Variants in NPAS3 observed in about 807,000 individuals in gnomAD.
NPAS3 encodes neuronal PAS domain protein 3, also known as neuronal PAS domain-containing protein 3.
Under a neutral mutation model 73.1 loss-of-function variants are expected in NPAS3, and 14 were observed. The observed-to-expected ratio is 0.19, with a 90% confidence interval of 0.13 to 0.30. The LOEUF is 0.30. NPAS3 is among the 10% of genes least tolerant of loss of function. The pLI, the probability that NPAS3 is intolerant of heterozygous loss-of-function variation, is 1.00. For synonymous variants in NPAS3, 620 were observed against 541.5 expected (o/e 1.14, Z -2.01); for missense variants, 1,096 against 1,250.0 (o/e 0.88, Z 1.86).
intron 4 of NPAS3, among the ~76,000 whole-genome samples, chr14:33,377,572 AT>A (rs2046363740): frequency 6.6e-6 from 1 of 152,264 alleles, no homozygotes; most frequent in Non-Finnish European, 1.5e-5. Context: ...AAGGATGTTC[AT>A]AATGATGTCT....
intron 5 of NPAS3, among the ~76,000 whole-genome samples, chr14:33,628,773 G>A (rs1010386331): frequency 3.9e-5 from 6 of 152,148 alleles, no homozygotes; most frequent in Non-Finnish European, 7.4e-5. Flanking sequence ...CCTTCCTTAA[G>A]CCTGGGCTCC....
chr14:33,489,251 GAA>G (rs1390026197), intron 4 of NPAS3, among the ~76,000 whole-genome samples: 1 of 152,132 alleles, frequency 6.6e-6, no homozygotes, highest in Non-Finnish European at 1.5e-5. Context: ...GACTCCGAAG[GAA>G]AGTCAATATA....
intron 4 of NPAS3, among the ~76,000 whole-genome samples, chr14:33,441,959 G>C (rs987284227): frequency 1.3e-5 from 2 of 152,100 alleles, no homozygotes; most frequent in African/African-American, 4.8e-5. Flanking sequence ...TGGGAATCAC[G>C]AAAGCTACAA....
chr14:33,261,137 A>G (rs1490004099), intron 3 of NPAS3, among the ~76,000 whole-genome samples: 1 of 152,122 alleles, frequency 6.6e-6, no homozygotes, highest in Non-Finnish European at 1.5e-5. Context: ...ACCCATGTCA[A>G]ATACCACCTC....
At chr14:33,517,069 A>C (rs774273926) in intron 4 of NPAS3, among the ~76,000 whole-genome samples, 3 of 152,234 alleles carry the variant, frequency 2.0e-5, no homozygotes, top group Non-Finnish European at 4.4e-5. Context: ...GATGGAGGAA[A>C]TGCTGTGGCT....
At chr14:33,089,138 A>T (rs1454935662) in intron 2 of NPAS3, among the ~76,000 whole-genome samples, 1 of 152,214 alleles carries the variant, frequency 6.6e-6, no homozygotes, top group African/African-American at 2.4e-5. Flanking sequence ...AATGGAACAA[A>T]CCTGGACGGA....
intron 4 of NPAS3, among the ~76,000 whole-genome samples, chr14:33,471,263 G>C (rs564354970): frequency 3.2e-4 from 48 of 152,320 alleles, no homozygotes; most frequent in African/African-American, 1.1e-3. Context: ...AGTCACGCTA[G>C]CTGGAGAAGC....
At chr14:33,441,438 G>A (rs1456677173) in intron 4 of NPAS3, among the ~76,000 whole-genome samples, 1 of 152,166 alleles carries the variant, frequency 6.6e-6, no homozygotes, top group Admixed American at 6.5e-5. Context: ...AGATTATCCA[G>A]TTAACATTAC....
chr14:33,657,629 G>T (rs72682354), intron 5 of NPAS3, among the ~76,000 whole-genome samples: 1 of 152,082 alleles, frequency 6.6e-6, no homozygotes, highest in African/African-American at 2.4e-5. Context: ...AAGAGGAAGC[G>T]GGAGTCAGGC....
At position 33,728,047 on chromosome 14, in the gene NPAS3, T is replaced by C. The variant is rs534455944; in HGVS notation, c.734-7167T>C. On this transcript the variant is annotated intron_variant, in intron 6 of 11. Coordinates refer to ENST00000356141, the Ensembl canonical transcript of NPAS3. ...AGTTGTGTATAGAAACACCCACTGG[T>C]AGCAGCTTGACTCTGACACTGTGTA... is the stretch of plus-strand genomic sequence containing the variant. 6.1e-4 allele frequency among the ~76,000 whole-genome samples: 93 copies of C among 152,284 alleles called. No individual in the cohort carries two copies. In the Middle Eastern group the frequency reaches 0.01, roughly 17 times the overall value.
At chr14:32,960,988 T>C (rs1479769898) in intron 1 of NPAS3, among the ~76,000 whole-genome samples, 4 of 152,250 alleles carry the variant, frequency 2.6e-5, no homozygotes, top group African/African-American at 9.6e-5. Flanking sequence ...GATAATTTCA[T>C]GGCAGCTCTT....
At chr14:33,776,418 CATT>C (rs1285375237) in intron 8 of NPAS3, among the ~76,000 whole-genome samples, 1 of 148,726 alleles carries the variant, frequency 6.7e-6, no homozygotes, top group Non-Finnish European at 1.5e-5. Context: ...GTGATCAACT[CATT>C]AATTCTTTTG....
At chr14:33,637,411 GT>G (rs59868602) in intron 5 of NPAS3, among the ~76,000 whole-genome samples, 4 of 152,246 alleles carry the variant, frequency 2.6e-5, no homozygotes, top group African/African-American at 9.6e-5. Flanking sequence ...CATCATTAGA[GT>G]CCATTATAAC....
intron 3 of NPAS3, among the ~76,000 whole-genome samples, chr14:33,223,545 C>T (rs184896326): frequency 6.6e-6 from 1 of 152,198 alleles, no homozygotes; most frequent in East Asian, 1.9e-4. Flanking sequence ...CCTCTCTAGA[C>T]CTCAGTTTTC....
intron 2 of NPAS3, among the ~76,000 whole-genome samples, chr14:33,183,556 GTTC>G (rs1226881339): frequency 6.8e-6 from 1 of 147,186 alleles, no homozygotes; most frequent in Non-Finnish European, 1.5e-5. Context: ...CTGTGCAGGT[GTTC>G]TTCTCCATCA....
intron 4 of NPAS3, among the ~76,000 whole-genome samples, chr14:33,497,888 G>A (rs1405628660): frequency 4.0e-5 from 6 of 151,896 alleles, no homozygotes; most frequent in East Asian, 1.9e-4. Context: ...CAAACAAAAC[G>A]ACCGTCAGAG....
intron 1 of NPAS3, among the ~76,000 whole-genome samples, chr14:32,976,348 C>A (rs2037677003): frequency 6.6e-6 from 1 of 152,066 alleles, no homozygotes; most frequent in Non-Finnish European, 1.5e-5. Flanking sequence ...TGTAGGGAGA[C>A]TCATTTTGAT....
intron 4 of NPAS3, among the ~76,000 whole-genome samples, chr14:33,527,064 A>T (rs2053833852): frequency 6.6e-6 from 1 of 152,062 alleles, no homozygotes; most frequent in Non-Finnish European, 1.5e-5. Context: ...AGTGTAGCAA[A>T]TGCCTGTCTG....
chr14:32,961,634 C>T (rs935315749), intron 1 of NPAS3, among the ~76,000 whole-genome samples: 1 of 152,152 alleles, frequency 6.6e-6, no homozygotes, highest in African/African-American at 2.4e-5. Context: ...TCATCATCCT[C>T]ATTCTCATCA....
Sources: allele counts gnomAD v4.1 joint callset (sites outside exome capture counted in the v4.1 genomes callset), GRCh38; gene constraint gnomAD v4.1.1; transcripts MANE v1.5; gene names NCBI Gene and HGNC (gene_info 2026-07-23, HGNC 2026-07-21).